The following CCDC141 variants were observed in gnomAD, a reference collection of about 807,000 sequenced individuals.
CCDC141 encodes coiled-coil domain-containing protein 141.
Under a neutral mutation model 181.0 loss-of-function variants are expected in CCDC141, and 168 were observed. That is an observed-to-expected ratio of 0.93 (90% confidence interval 0.82 to 1.05). CCDC141 has a LOEUF of 1.05. Among genes scored for constraint, CCDC141 ranks in the 50% least tolerant of loss-of-function variants. The probability of loss-of-function intolerance (pLI) is 0.00; values close to 1 mark genes in which losing one functional copy is unlikely to be tolerated. For missense variants in CCDC141, 1,902 were observed against 1,788.5 expected (o/e 1.06, Z -1.14); for synonymous variants, 666 against 642.3 (o/e 1.04, Z -0.56).
chr2:178,901,066 G>A (rs1687663488), intron 8 of CCDC141, among the ~76,000 whole-genome samples: 1 of 152,100 alleles, frequency 6.6e-6, no homozygotes, highest in Non-Finnish European at 1.5e-5. Flanking sequence ...AAGGCATCTC[G>A]AATTTGTGGG....
intron 8 of CCDC141, among the ~76,000 whole-genome samples, chr2:178,893,473 T>C (rs911571765): frequency 6.6e-6 from 1 of 152,182 alleles, no homozygotes; most frequent in Non-Finnish European, 1.5e-5. Flanking sequence ...GGTAAGCACT[T>C]GACAGCTTAC....
At chr2:179,013,392 G>GGAAT (rs1296872442) in intron 2 of CCDC141, among the ~76,000 whole-genome samples, 1 of 151,884 alleles carries the variant, frequency 6.6e-6, no homozygotes, top group Non-Finnish European at 1.5e-5. Flanking sequence ...AAAATACTTA[G>GGAAT]GAATATACCA....
chr2:178,923,730 G>A (rs533248686), intron 6 of CCDC141, among the ~76,000 whole-genome samples: 2 of 152,222 alleles, frequency 1.3e-5, no homozygotes, highest in East Asian at 3.9e-4. Context: ...CAGGTTTGTG[G>A]TGTCTCCATA....
chr2:179,021,746 G>A (rs1197164045), intron 2 of CCDC141, among the ~76,000 whole-genome samples: 1 of 151,968 alleles, frequency 6.6e-6, no homozygotes, highest in African/African-American at 2.4e-5. Context: ...GTGTTTTCTT[G>A]GTCACTCTTC....
chr2:178,927,661 G>A (rs912733840), intron 6 of CCDC141, among the ~76,000 whole-genome samples: 1 of 152,162 alleles, frequency 6.6e-6, no homozygotes, highest in Non-Finnish European at 1.5e-5. Flanking sequence ...CAAACAAGCT[G>A]TGGGAGTTAT....
At chr2:179,043,813 C>T (rs2043393162) in intron 2 of CCDC141, among the ~76,000 whole-genome samples, 1 of 152,088 alleles carries the variant, frequency 6.6e-6, no homozygotes, top group Non-Finnish European at 1.5e-5. Flanking sequence ...GTGGCCAGGG[C>T]AATCAGGCAA....
intron 23 of CCDC141, chr2:178,836,160 A>T (rs1036598227): frequency 9.2e-5 from 14 of 152,520 alleles, no homozygotes; most frequent in African/African-American, 3.4e-4. Flanking sequence ...AAAGTAACCC[A>T]CATATTGAGA....
rs76421038 is a variant in CCDC141, at chr2:178,892,228, A to T, written c.1266-3560T>A. On this transcript the variant is annotated intron_variant, in intron 8 of 23. Transcript: ENST00000443758. ...TTTATCATGTGTAGTTTGGCTCAATACTTCCTTCTATTTAAAGCCTTAGAG... is the reference window on the plus strand; with the variant it reads ...TTTATCATGTGTAGTTTGGCTCAATTCTTCCTTCTATTTAAAGCCTTAGAG... 4.5e-3 allele frequency among the ~76,000 whole-genome samples: 678 copies of T among 152,064 alleles called. 8 individuals carry two copies. Among genetic ancestry groups the T allele is most frequent in the African/African-American group, 0.016 (651 of 41,486 alleles).
In CCDC141 at chr2:178,849,717, A is replaced by G. The variant is rs186771120; in HGVS notation, c.3357+332T>C. Among the ~76,000 whole-genome samples, 19 of 152,332 alleles carry G rather than the reference A, an allele frequency of 1.2e-4. No homozygotes were observed. The East Asian group carries it at 3.7e-3, about 29-fold the overall frequency. On this transcript the variant is annotated intron_variant, in intron 21 of 23. Coordinates refer to ENST00000443758, the MANE Select transcript of CCDC141 (RefSeq NM_173648.4). ...AAAAAAACCCTGGCATCTATTATTT[A>G]TGAACAAAACCATAGGCTACTTAAT...
chr2:178,919,001 C>T (rs1688574048), intron 6 of CCDC141, 94 bp from the exon 7 acceptor site: 1 of 1,139,996 alleles, frequency 8.8e-7, no homozygotes, highest in South Asian at 1.6e-5. Context: ...AATCTAACCC[C>T]CAAGGTGATG....
At chr2:178,852,195 C>A (rs574275507) in intron 20 of CCDC141, among the ~76,000 whole-genome samples, 1 of 152,268 alleles carries the variant, frequency 6.6e-6, no homozygotes, top group South Asian at 2.1e-4. Context: ...GGAATATAAA[C>A]AAAGCCAGAT....
At chr2:179,025,912 C>T (rs901685681) in intron 2 of CCDC141, among the ~76,000 whole-genome samples, 1 of 152,106 alleles carries the variant, frequency 6.6e-6, no homozygotes, top group African/African-American at 2.4e-5. Context: ...TGTCCCTGCC[C>T]TAGAGATTTG....
intron 2 of CCDC141, among the ~76,000 whole-genome samples, chr2:179,034,531 G>C (rs1407643489): frequency 1.3e-5 from 2 of 152,176 alleles, no homozygotes; most frequent in African/African-American, 4.8e-5. Context: ...GTCAATATGA[G>C]AGCAAAAGCA....
chr2:178,939,496 T>C (rs950063542), intron 6 of CCDC141, among the ~76,000 whole-genome samples: 5 of 152,154 alleles, frequency 3.3e-5, no homozygotes, highest in African/African-American at 1.2e-4. Context: ...GCTCACTTTC[T>C]ACCTTTTTTG....
At position 178,939,035 on chromosome 2, in the gene CCDC141, G is replaced by C. The variant is rs11904013; in HGVS notation, c.897+5500C>G. On this transcript the variant is annotated intron_variant, in intron 6 of 23. Coordinates refer to ENST00000443758, the MANE Select transcript of CCDC141 (RefSeq NM_173648.4). The stretch of plus-strand genomic sequence containing the variant: ...GGTTTTTTTTCTTTTGGTTCGGTTT[G>C]TTTTAGAAAGCCTGCTAATTCAAGT... 8.1e-4 allele frequency among the ~76,000 whole-genome samples: 123 copies of C among 152,022 alleles called. 1 individual carries two copies. The highest frequency in any genetic ancestry group is 2.7e-3 in the African/African-American group (110 of 41,476).
At chr2:178,829,334 T>C (rs1251256673), downstream of CCDC141, among the ~76,000 whole-genome samples, 1 of 152,186 alleles carries the variant, frequency 6.6e-6, no homozygotes, top group East Asian at 1.9e-4. Flanking sequence ...GTTACACAAA[T>C]GAAACTGCTG....
rs377655139 is a variant in CCDC141 at position 178,878,134 on chromosome 2, G to C, written c.1729C>G (p.Gln577Glu). The C allele has an allele frequency of 9.4e-6, 15 of 1,595,434 alleles. No individual in the cohort carries two copies. The highest frequency in any genetic ancestry group is 4.1e-5 in the African/African-American group (3 of 73,428). Residue 577 changes from glutamine to glutamate, a missense_variant, in exon 12 of 24, where the codon CAG (glutamine) becomes GAG (glutamate). Coordinates refer to ENST00000443758, the MANE Select transcript of CCDC141 (RefSeq NM_173648.4). ...TAAAATTCTTTTAAGCTCTGAAACT[G>C]CATCTCTACCTAAAAAAGAAAAAAG... The part of the protein sequence containing the change: ...FLKSSEEVEM[Q>E]FQSLKEFYET...
In CCDC141 at chr2:178,856,306, G is replaced by T; in HGVS notation, c.2816C>A (p.Ala939Glu). 1 of 1,609,214 alleles carries T rather than the reference G, an allele frequency of 6.2e-7. No homozygotes were observed. The highest frequency in any genetic ancestry group is 8.5e-7 in the Non-Finnish European group (1 of 1,177,998). The change falls in exon 18 of 24, where the codon GCG becomes GAG. Residue 939 changes from alanine (A) to glutamate (E), a missense_variant. Physicochemically the swap from Ala to Glu is moderately radical, Grantham distance 107. Coordinates refer to ENST00000443758, the MANE Select transcript of CCDC141 (RefSeq NM_173648.4). ...KKNEKSRNLKALKYQIQQVDM... is the reference protein window; with the variant it reads ...KKNEKSRNLKELKYQIQQVDM... Reference sequence around the variant, plus strand: ...AACTTGCTGAATTTGATATTTAAGCGCCTTCAGATTCCGAGATTTTTCATT... The same window carrying T: ...AACTTGCTGAATTTGATATTTAAGCTCCTTCAGATTCCGAGATTTTTCATT...
intron 6 of CCDC141, among the ~76,000 whole-genome samples, chr2:178,928,105 T>G (rs920132968): frequency 2.6e-5 from 4 of 152,198 alleles, no homozygotes; most frequent in African/African-American, 9.6e-5. Context: ...GTTTCAGAAT[T>G]AGGAAGAAAC....
Sources: gnomAD v4.1 joint callset for allele counts (sites outside exome capture counted in the v4.1 genomes callset) on GRCh38, gnomAD v4.1.1 for gene constraint, MANE v1.5 for transcripts, NCBI Gene and HGNC (gene_info 2026-07-23, HGNC 2026-07-21) for gene names.